EYA2: variants seen among roughly 807,000 people sequenced by gnomAD.
The protein encoded by EYA2 is protein phosphatase EYA2.
A neutral mutation model predicts 69.2 loss-of-function variants in EYA2; 31 were observed. That is an observed-to-expected ratio of 0.45 (90% CI 0.34 to 0.60). EYA2 has a LOEUF of 0.60. Among genes scored for constraint, EYA2 ranks in the 20% least tolerant of loss-of-function variants. The probability of loss-of-function intolerance (pLI) is 0.02; values close to 1 mark genes in which losing one functional copy is unlikely to be tolerated. For missense variants in EYA2, 622 were observed against 701.2 expected, an observed-to-expected ratio of 0.89 and a Z score of 1.28; for synonymous variants, 257 against 279.4, an observed-to-expected ratio of 0.92 and a Z score of 0.80.
Position 47,179,929 on chromosome 20 carries a change from A to G in EYA2, c.1313+17A>G. Reference sequence around the variant, plus strand: ...CAACTCCCGGCAAGTGGCAGCCCTCATTTTCCTCTGTGCCACTGAACTTTC... The same window carrying G: ...CAACTCCCGGCAAGTGGCAGCCCTCGTTTTCCTCTGTGCCACTGAACTTTC... On this transcript the variant is annotated intron_variant, in intron 13 of 15. Transcript: ENST00000327619. 6.3e-7 allele frequency: 1 copy of G among 1,592,904 alleles called. No individual in the cohort carries two copies. Among genetic ancestry groups the G allele is most frequent in the Non-Finnish European group, 8.6e-7 (1 of 1,161,636 alleles).
chr20:47,113,162 C>T (rs1276300568), intron 9 of EYA2, among the ~76,000 whole-genome samples: 1 of 152,016 alleles, frequency 6.6e-6, no homozygotes, highest in Non-Finnish European at 1.5e-5. Context: ...TGTGAGCCAC[C>T]GCAACTGGCA....
intron 1 of EYA2, among the ~76,000 whole-genome samples, chr20:46,964,734 C>G (rs1365509461): frequency 2.0e-5 from 3 of 152,144 alleles, no homozygotes; most frequent in African/African-American, 7.2e-5. Flanking sequence ...AAACTGAGAC[C>G]AAGAAAGGAT....
intron 9 of EYA2, chr20:47,117,510 G>A (rs1053121553): frequency 5.1e-6 from 5 of 985,174 alleles, no homozygotes; most frequent in Admixed American, 6.2e-5. Flanking sequence ...CGATTCCTCC[G>A]CGGGTGTTAT....
chr20:47,045,250 T>A (rs2029970843), intron 5 of EYA2, among the ~76,000 whole-genome samples: 1 of 152,220 alleles, frequency 6.6e-6, no homozygotes, highest in African/African-American at 2.4e-5. Context: ...GGTGCTACTA[T>A]AGGCTGGGGC....
At chr20:47,163,030 ATCAC>A (rs979225223) in intron 10 of EYA2, among the ~76,000 whole-genome samples, 2 of 135,102 alleles carry the variant, frequency 1.5e-5, no homozygotes, top group Non-Finnish European at 3.2e-5. Flanking sequence ...TACTGGGTGT[ATCAC>A]TCTTTTTTTT....
At chr20:46,990,298 G>A (rs1426924204) in intron 2 of EYA2, among the ~76,000 whole-genome samples, 179 bp downstream of exon 2, 2 of 152,218 alleles carry the variant, frequency 1.3e-5, no homozygotes, top group African/African-American at 4.8e-5. Flanking sequence ...TAACAACTCT[G>A]TCTCATCGTT....
intron 9 of EYA2, among the ~76,000 whole-genome samples, chr20:47,138,030 C>G (rs1053072691): frequency 2.6e-5 from 4 of 151,766 alleles, no homozygotes; most frequent in Non-Finnish European, 5.9e-5. Context: ...AGGAGATATA[C>G]CTAATGCTAA....
chr20:47,007,210 C>T (rs187033288), intron 4 of EYA2, among the ~76,000 whole-genome samples: 10 of 152,298 alleles, frequency 6.6e-5, no homozygotes, highest in East Asian at 5.8e-4. Flanking sequence ...AGACTACAAG[C>T]GGGAGCCACT....
At chr20:46,908,661 G>A (rs1320829512) in intron 1 of EYA2, among the ~76,000 whole-genome samples, 2 of 152,108 alleles carry the variant, frequency 1.3e-5, no homozygotes, top group Non-Finnish European at 2.9e-5. Context: ...GACTCCACCC[G>A]GTGCCATTCA....
rs377702972 is a variant in EYA2 at position 47,074,175 on chromosome 20, C to T, written c.501C>T (p.Pro167=). 5.4e-5 allele frequency: 87 copies of T among 1,611,994 alleles called. No individual in the cohort carries two copies. Among genetic ancestry groups the T allele is most frequent in the East Asian group, 3.3e-4 (15 of 44,780 alleles). ...GSVHQDYPSY[P]GFPQSQYPQY... ...CTTCCCAGGACTATCCTTCCTACCCCGGCTTCCCCCAGAGCCAGTACCCCC... is the reference window on the plus strand; with the variant it reads ...CTTCCCAGGACTATCCTTCCTACCCTGGCTTCCCCCAGAGCCAGTACCCCC... The change falls in exon 7 of 16, where the codon CCC becomes CCT. Residue 167 remains proline, a synonymous_variant. Coordinates refer to ENST00000327619, the MANE Select transcript of EYA2 (RefSeq NM_005244.5).
intron 1 of EYA2, among the ~76,000 whole-genome samples, chr20:46,898,952 A>T (rs545369326): frequency 9.8e-5 from 15 of 152,328 alleles, no homozygotes; most frequent in Non-Finnish European, 1.8e-4. Context: ...CTTGCAAATT[A>T]TACCCTTCTG....
intron 1 of EYA2, among the ~76,000 whole-genome samples, chr20:46,913,027 A>G (rs575458748): frequency 6.6e-6 from 1 of 152,354 alleles, no homozygotes; most frequent in East Asian, 1.9e-4. Context: ...TAGGGTGGCC[A>G]CTGTGATGGC....
intron 1 of EYA2, among the ~76,000 whole-genome samples, chr20:46,968,248 TCA>T (rs1372635060): frequency 6.6e-6 from 1 of 152,220 alleles, no homozygotes; most frequent in African/African-American, 2.4e-5. Context: ...TGAACCGCCA[TCA>T]CCAGACATCT....
chr20:47,092,996 G>A lies in EYA2; in HGVS notation c.804+3615G>A, dbSNP rs199848340. ...GCAGAATTTATTTTAAGGATACAGG[G>A]CCTCTCTTAGAACTTAAGGACAGAA... On this transcript the variant is annotated intron_variant, in intron 8 of 15. Coordinates refer to ENST00000327619, the MANE Select transcript of EYA2 (RefSeq NM_005244.5). Among the ~76,000 whole-genome samples the A allele has an allele frequency of 3.3e-5, 5 of 152,326 alleles. No homozygotes were observed. In the East Asian group the frequency reaches 7.7e-4, roughly 24 times the overall value.
chr20:47,044,837 C>G (rs1259725137), intron 5 of EYA2, among the ~76,000 whole-genome samples: 2 of 152,178 alleles, frequency 1.3e-5, no homozygotes, highest in African/African-American at 2.4e-5. Flanking sequence ...GAACCTAGTT[C>G]TAAATCCAGG....
At chr20:46,978,074 C>T (rs1980569500) in intron 1 of EYA2, among the ~76,000 whole-genome samples, 1 of 152,230 alleles carries the variant, frequency 6.6e-6, no homozygotes. Context: ...AGGCATCTTC[C>T]AGGGCTTGTG....
In EYA2 at chr20:47,031,475, C is replaced by G. The variant is rs141761598; in HGVS notation, c.415+15178C>G. ...GTTCTGTCCTGAGACAGTGCCTGAC[C>G]TGTCCCTAGCTCTCCCTTCCCCTCC... On this transcript the variant is annotated intron_variant, in intron 5 of 15. Coordinates refer to ENST00000327619, the MANE Select transcript of EYA2 (RefSeq NM_005244.5). Among the ~76,000 whole-genome samples the G allele has an allele frequency of 4.0e-3, 610 of 152,328 alleles. 7 individuals are homozygous for G. The highest frequency in any genetic ancestry group is 0.014 in the African/African-American group (564 of 41,572).
intron 1 of EYA2, among the ~76,000 whole-genome samples, chr20:46,926,912 C>T (rs532890574): frequency 2.6e-5 from 4 of 152,318 alleles, no homozygotes; most frequent in Non-Finnish European, 5.9e-5. Flanking sequence ...TCTGGTTGCT[C>T]CTTCTTAGTT....
chr20:46,901,899 G>A (rs1490845638), intron 1 of EYA2, among the ~76,000 whole-genome samples: 1 of 152,186 alleles, frequency 6.6e-6, no homozygotes, highest in African/African-American at 2.4e-5. Flanking sequence ...TCCGGTCTGC[G>A]ATGGGCCCAA....
Sources: allele counts gnomAD v4.1 joint callset (sites outside exome capture counted in the v4.1 genomes callset), GRCh38; gene constraint gnomAD v4.1.1; transcripts MANE v1.5; gene names NCBI Gene and HGNC (gene_info 2026-07-23, HGNC 2026-07-21).